Variants in DYNC2H1 observed in about 807,000 individuals in gnomAD.
DYNC2H1 encodes cytoplasmic dynein 2 heavy chain 1.
In DYNC2H1, 410 loss-of-function variants were observed where a neutral mutation model predicts 570.0. That is an observed-to-expected ratio of 0.72 (90% CI 0.66 to 0.78). The LOEUF is 0.78. Among genes scored for constraint, DYNC2H1 ranks in the 30% least tolerant of loss-of-function variants. The pLI is 0.00. For missense variants in DYNC2H1, 4,865 were observed against 5,046.4 expected, an observed-to-expected ratio of 0.96 and a Z score of 1.09; for synonymous variants, 1,688 against 1,677.6, an observed-to-expected ratio of 1.01 and a Z score of -0.15.
chr11:103,231,856 C>A (rs995194074), intron 60 of DYNC2H1, among the ~76,000 whole-genome samples: 2 of 151,414 alleles, frequency 1.3e-5, no homozygotes, highest in African/African-American at 4.9e-5. Flanking sequence ...ACAATTTTCT[C>A]TCTCTGTGTG....
At chr11:103,443,665 T>C (rs1490981935) in intron 85 of DYNC2H1, among the ~76,000 whole-genome samples, 1 of 151,910 alleles carries the variant, frequency 6.6e-6, no homozygotes, top group Non-Finnish European at 1.5e-5. Flanking sequence ...GACAAGTTTT[T>C]TTTTTAACCT....
intron 82 of DYNC2H1, among the ~76,000 whole-genome samples, chr11:103,346,641 T>C (rs896602645): frequency 6.6e-6 from 1 of 152,196 alleles, no homozygotes; most frequent in African/African-American, 2.4e-5. Context: ...ATAGACTTGA[T>C]TTTCAAACTT....
intron 75 of DYNC2H1, among the ~76,000 whole-genome samples, chr11:103,290,823 A>G (rs1473243827): frequency 6.6e-6 from 1 of 152,148 alleles, no homozygotes; most frequent in East Asian, 1.9e-4. Context: ...GGTTGATAAG[A>G]CCACTAACTT....
At chr11:103,284,479 T>A (rs914782440) in intron 73 of DYNC2H1, among the ~76,000 whole-genome samples, 5 of 152,174 alleles carry the variant, frequency 3.3e-5, no homozygotes, top group African/African-American at 1.2e-4. Flanking sequence ...AATAATTACC[T>A]TGTCATAATG....
At chr11:103,235,386 C>T (rs572574115) in intron 61 of DYNC2H1, among the ~76,000 whole-genome samples, 3 of 152,014 alleles carry the variant, frequency 2.0e-5, no homozygotes, top group Admixed American at 6.6e-5. Flanking sequence ...TGCAAACTCA[C>T]ATTTAACTGT....
At chr11:103,200,277 A>G in intron 50 of DYNC2H1, 123 bp downstream of exon 50, 1 of 675,004 alleles carries the variant, frequency 1.5e-6, no homozygotes, top group South Asian at 2.0e-5. Context: ...TACTTAGGAG[A>G]CATGGTGTTA....
At chr11:103,320,070 A>G (rs966418592) in intron 80 of DYNC2H1, among the ~76,000 whole-genome samples, 1 of 152,222 alleles carries the variant, frequency 6.6e-6, no homozygotes, top group African/African-American at 2.4e-5. Flanking sequence ...AATAAAGTTT[A>G]TTAGCTAGTT....
At chr11:103,394,572 A>G (rs1016254894) in intron 83 of DYNC2H1, among the ~76,000 whole-genome samples, 1 of 151,842 alleles carries the variant, frequency 6.6e-6, no homozygotes, top group Non-Finnish European at 1.5e-5. Flanking sequence ...AAAAGGAAAG[A>G]AAATAGCATT....
At chr11:103,318,010 C>T (rs59648868) in intron 80 of DYNC2H1, among the ~76,000 whole-genome samples, 25,313 of 151,982 alleles carry the variant, frequency 0.17, 2,308 homozygotes, top group Admixed American at 0.26. Context: ...ATCATAGTTA[C>T]TCAATTATTA....
chr11:103,297,826 C>T (rs1029917265), intron 75 of DYNC2H1, among the ~76,000 whole-genome samples: 3 of 152,028 alleles, frequency 2.0e-5, no homozygotes, highest in Non-Finnish European at 4.4e-5. Flanking sequence ...TTAGTACCAA[C>T]CTAATACAAG....
chr11:103,393,877 G>A (rs1372535995), intron 83 of DYNC2H1, among the ~76,000 whole-genome samples: 2 of 152,158 alleles, frequency 1.3e-5, no homozygotes, highest in Non-Finnish European at 2.9e-5. Context: ...AGCTTGTGCT[G>A]GAGAACTCCT....
chr11:103,134,534 A>C, intron 15 of DYNC2H1, 115 bp downstream of exon 15: 1 of 577,304 alleles, frequency 1.7e-6, no homozygotes, highest in Non-Finnish European at 2.7e-6. Flanking sequence ...CTTACTAATA[A>C]ATACCTAATA....
At position 103,305,661 on chromosome 11, in the gene DYNC2H1, A is replaced by G. The variant is rs762949634; in HGVS notation, c.11382+941A>G. On this transcript the variant is annotated intron_variant, in intron 77 of 88. Coordinates refer to ENST00000375735, the MANE Select transcript of DYNC2H1 (RefSeq NM_001377.3). This position sits in a 1 kb window ranked among gnomAD's most constrained non-coding sequence, Gnocchi z 4.3. ...GGAGGTCCTGCCCTAGGTGTGAGGTATTAAAAATCTCTGCAGTCCTAATTA... is the reference window on the plus strand; with the variant it reads ...GGAGGTCCTGCCCTAGGTGTGAGGTGTTAAAAATCTCTGCAGTCCTAATTA... Among the ~76,000 whole-genome samples the G allele has an allele frequency of 5.9e-5, 9 of 152,128 alleles. No homozygotes were observed. The highest frequency in any genetic ancestry group is 1.3e-4 in the Non-Finnish European group (9 of 68,020).
At chr11:103,119,583 G>A (rs1301949982) in intron 6 of DYNC2H1, among the ~76,000 whole-genome samples, 2 of 152,018 alleles carry the variant, frequency 1.3e-5, no homozygotes, top group Admixed American at 6.6e-5. Flanking sequence ...CAGGTCATCC[G>A]CCCACCTCGG....
At chr11:103,193,204 A>C (rs1862387654) in intron 47 of DYNC2H1, among the ~76,000 whole-genome samples, 1 of 152,208 alleles carries the variant, frequency 6.6e-6, no homozygotes, top group Non-Finnish European at 1.5e-5. Flanking sequence ...AAATGCTGAG[A>C]GAAGCCTGAT....
intron 1 of DYNC2H1, among the ~76,000 whole-genome samples, chr11:103,113,108 G>C (rs1425567642): frequency 6.6e-6 from 1 of 152,076 alleles, no homozygotes; most frequent in Non-Finnish European, 1.5e-5. Context: ...CTAAGTAAGA[G>C]GGTAATTAAT....
At chr11:103,352,277 A>G (rs979185058) in intron 82 of DYNC2H1, among the ~76,000 whole-genome samples, 1 of 151,936 alleles carries the variant, frequency 6.6e-6, no homozygotes, top group Non-Finnish European at 1.5e-5. Context: ...TTATTGTTAT[A>G]TATAGCTTTC....
At chr11:103,374,710 G>GC in intron 83 of DYNC2H1, among the ~76,000 whole-genome samples, 1 of 152,254 alleles carries the variant, frequency 6.6e-6, no homozygotes, top group East Asian at 1.9e-4. Flanking sequence ...TTTTGACCCT[G>GC]CCCTAGAGAA....
At chr11:103,389,168 C>T (rs972416891) in intron 83 of DYNC2H1, among the ~76,000 whole-genome samples, 2 of 152,156 alleles carry the variant, frequency 1.3e-5, no homozygotes, top group Non-Finnish European at 2.9e-5. Flanking sequence ...GAACTATTGC[C>T]TCAATTTCAG....
Sources: allele counts gnomAD v4.1 joint callset (sites outside exome capture counted in the v4.1 genomes callset), GRCh38; gene constraint gnomAD v4.1.1; non-coding constraint Gnocchi (gnomAD v3.1); transcripts MANE v1.5; gene names NCBI Gene and HGNC (gene_info 2026-07-23, HGNC 2026-07-21).